Variants in OPHN1 observed in about 807,000 individuals in gnomAD.
OPHN1 encodes oligophrenin-1.
Under a neutral mutation model 60.7 loss-of-function variants are expected in OPHN1, and 11 were observed. The observed-to-expected ratio is 0.18, with a 90% CI of 0.11 to 0.30. The LOEUF (loss-of-function observed/expected upper bound fraction) is 0.30, where lower values mean the gene tolerates loss of function less well. OPHN1 is among the 10% of genes least tolerant of loss of function. OPHN1 has a pLI of 1.00. For missense variants in OPHN1, 449 were observed against 611.0 expected, an observed-to-expected ratio of 0.73 and a Z score of 2.80; for synonymous variants, 226 against 222.6, an observed-to-expected ratio of 1.02 and a Z score of -0.14.
chrX:68,074,759 GCTGT>G (rs2076947608), intron 19 of OPHN1, among the ~76,000 whole-genome samples: 2 of 110,590 alleles, frequency 1.8e-5, no homozygotes, highest in South Asian at 7.9e-4. Flanking sequence ...GATTTTGTTT[GCTGT>G]CTGTCTCCAA....
At chrX:68,196,726 A>G (rs1310013679) in intron 12 of OPHN1, among the ~76,000 whole-genome samples, 5 of 112,214 alleles carry the variant, frequency 4.5e-5, no homozygotes, top group Non-Finnish European at 9.4e-5. Context: ...CTCAAAGAGA[A>G]TAAGCTGAGT....
chrX:68,196,036 G>A (rs777321847), intron 12 of OPHN1, among the ~76,000 whole-genome samples: 1 of 112,143 alleles, frequency 8.9e-6, no homozygotes, highest in East Asian at 2.8e-4. Flanking sequence ...TCAGCAGCAG[G>A]TTTCTGGAAG....
intron 5 of OPHN1, among the ~76,000 whole-genome samples, chrX:68,247,508 T>C (rs2077812092): frequency 9.0e-6 from 1 of 111,551 alleles, no homozygotes; most frequent in Admixed American, 9.6e-5. Context: ...ACCCTTATAG[T>C]CCACCAAGGA....
At position 68,211,135 on chromosome X, in the gene OPHN1, TC is replaced by T. The variant is rs1423590009; in HGVS notation, c.703-854del. On this transcript the variant is annotated intron_variant, in intron 8 of 24. Transcript: ENST00000355520. Reference sequence around the variant, plus strand: ...AGAATGTGAGAGCCCCTAGTTCCTTTCTGCAAGGAGAGTATATAGAAAGAAA... The same window carrying T: ...AGAATGTGAGAGCCCCTAGTTCCTTTTGCAAGGAGAGTATATAGAAAGAAA... Among the ~76,000 whole-genome samples the T allele has an allele frequency of 3.6e-5, 4 of 111,314 alleles. No individual in the cohort carries two copies. In the East Asian group the frequency reaches 1.1e-3, roughly 31 times the overall value.
At chrX:68,354,107 A>ATTCT (rs2078427327) in intron 2 of OPHN1, among the ~76,000 whole-genome samples, 1 of 111,491 alleles carries the variant, frequency 9.0e-6, no homozygotes, top group Non-Finnish European at 1.9e-5. Context: ...GATATTAGCC[A>ATTCT]TTGATAATGT....
chrX:68,330,547 C>A (rs1195876152), intron 2 of OPHN1, among the ~76,000 whole-genome samples: 1 of 110,864 alleles, frequency 9.0e-6, no homozygotes, highest in African/African-American at 3.3e-5. Flanking sequence ...GCCTTTAGTT[C>A]CAGCTACTTG....
At position 68,308,967 on chromosome X, in the gene OPHN1, TGTAG is replaced by T. The variant is rs1434873907; in HGVS notation, c.155-9875_155-9872del. Among the ~76,000 whole-genome samples, 438 of 110,001 alleles carry T rather than the reference TGTAG, an allele frequency of 4.0e-3. 2 individuals are homozygous for T. Among genetic ancestry groups the T allele is most frequent in the African/African-American group, 0.014 (420 of 30,206 alleles). On this transcript the variant is annotated intron_variant, in intron 2 of 24. Coordinates refer to ENST00000355520, the MANE Select transcript of OPHN1 (RefSeq NM_002547.3). ...GCTATTTATTTTTTTATTTTTTTCT[TGTAG>T]AGACAGGGTCACACTATATTGAGGA...
intron 3 of OPHN1, among the ~76,000 whole-genome samples, chrX:68,290,789 A>T (rs1273246368): frequency 9.2e-6 from 1 of 108,473 alleles, no homozygotes; most frequent in Non-Finnish European, 1.9e-5. Context: ...AAAAAAAAAA[A>T]TCCCACTTAA....
intron 2 of OPHN1, among the ~76,000 whole-genome samples, chrX:68,385,485 G>T (rs1240822924): frequency 8.9e-6 from 1 of 112,133 alleles, no homozygotes; most frequent in Non-Finnish European, 1.9e-5. Context: ...ATATAACAAA[G>T]AATACTGTTA....
At chrX:68,067,103 TTATTA>T (rs1384634373) in intron 20 of OPHN1, among the ~76,000 whole-genome samples, 1 of 111,812 alleles carries the variant, frequency 8.9e-6, no homozygotes, top group East Asian at 2.8e-4. Context: ...AATAAATCAA[TTATTA>T]TAATACATGT....
At chrX:68,432,828 C>G (rs1167416461) in intron 2 of OPHN1, 39 bp downstream of exon 2, 1 of 1,204,403 alleles carries the variant, frequency 8.3e-7, no homozygotes, top group African/African-American at 1.7e-5. Context: ...GCCAGACACA[C>G]CAGCTCAGAG....
chrX:68,315,744 AC>A lies in OPHN1; in HGVS notation c.155-16649del, dbSNP rs61003737. Among the ~76,000 whole-genome samples, 757 of 111,812 alleles carry A rather than the reference AC, an allele frequency of 6.8e-3. 7 individuals carry two copies. The highest frequency in any genetic ancestry group is 0.023 in the African/African-American group (720 of 30,804). On this transcript the variant is annotated intron_variant, in intron 2 of 24. Transcript: ENST00000355520. ...AGGACACAAAACCAACACAAAAAAAACAGTTGCATTTCTATACACTAAAAAA... is the reference window on the plus strand; with the variant it reads ...AGGACACAAAACCAACACAAAAAAAAAGTTGCATTTCTATACACTAAAAAA...
intron 20 of OPHN1, 58 bp downstream of exon 20, chrX:68,073,094 G>T: frequency 9.6e-6 from 11 of 1,151,269 alleles, no homozygotes; most frequent in Non-Finnish European, 1.3e-5. Flanking sequence ...TCTGCCCTTC[G>T]ATATCCTCTT....
At chrX:68,412,947 G>A (rs1481030855) in intron 2 of OPHN1, among the ~76,000 whole-genome samples, 1 of 111,542 alleles carries the variant, frequency 9.0e-6, no homozygotes, top group Non-Finnish European at 1.9e-5. Context: ...GAAGCATTCT[G>A]AAGGTACTGC....
chrX:68,135,623 A>G (rs1317679272), intron 15 of OPHN1, among the ~76,000 whole-genome samples: 1 of 112,480 alleles, frequency 8.9e-6, no homozygotes, highest in Admixed American at 9.4e-5. Flanking sequence ...AAAGAGACAT[A>G]TAAAAGGTCT....
At chrX:68,415,590 G>C (rs2078789977) in intron 2 of OPHN1, among the ~76,000 whole-genome samples, 1 of 111,849 alleles carries the variant, frequency 8.9e-6, no homozygotes, top group African/African-American at 3.3e-5. Context: ...CTTCCCAACT[G>C]TGTCAAAGAG....
intron 2 of OPHN1, among the ~76,000 whole-genome samples, chrX:68,321,743 C>A (rs2078236420): frequency 9.0e-6 from 1 of 110,806 alleles, no homozygotes; most frequent in South Asian, 3.9e-4. Flanking sequence ...GCCTGGCCAA[C>A]ATGGTGAAAC....
intron 2 of OPHN1, among the ~76,000 whole-genome samples, chrX:68,413,102 A>G (rs1177592076): frequency 9.0e-6 from 1 of 111,580 alleles, no homozygotes; most frequent in Non-Finnish European, 1.9e-5. Flanking sequence ...ATAGCCTGCC[A>G]TCAAATGTGA....
intron 15 of OPHN1, among the ~76,000 whole-genome samples, chrX:68,159,566 C>A (rs2077324860): frequency 8.9e-6 from 1 of 111,875 alleles, no homozygotes; most frequent in Non-Finnish European, 1.9e-5. Context: ...CCATTCCTCT[C>A]TCAGGTTCAG....
Sources: allele counts gnomAD v4.1 joint callset (sites outside exome capture counted in the v4.1 genomes callset), GRCh38; gene constraint gnomAD v4.1.1; transcripts MANE v1.5; gene names NCBI Gene and HGNC (gene_info 2026-07-23, HGNC 2026-07-21).